The following TRAK1 variants were observed in gnomAD, a reference collection of about 807,000 sequenced individuals.
The protein encoded by TRAK1 is trafficking kinesin-binding protein 1.
Under a neutral mutation model 92.1 loss-of-function variants are expected in TRAK1, and 33 were observed. The ratio of observed to expected loss-of-function variants is 0.36; its 90% CI spans 0.27 to 0.48. The LOEUF is 0.48. TRAK1 is among the 20% of genes least tolerant of loss of function. The pLI is 0.99. For missense variants in TRAK1, 1,123 were observed against 1,257.9 expected (o/e 0.89, Z 1.62); for synonymous variants, 521 against 517.3 (o/e 1.01, Z -0.10).
In TRAK1 at chr3:42,223,483, C is replaced by G; in HGVS notation, c.2608C>G (p.Gln870Glu). 6.2e-7 allele frequency: 1 copy of G among 1,613,792 alleles called. No individual in the cohort carries two copies. The highest frequency in any genetic ancestry group is 8.5e-7 in the Non-Finnish European group (1 of 1,179,994). Residue 870 changes from glutamine to glutamate, a missense_variant, in exon 16 of 16, where the codon CAG becomes GAG. Transcript: ENST00000327628. The surrounding 1 kb of genome is among the most constrained non-coding windows in gnomAD (Gnocchi z 6.1). ...CCATGTCCCCACCTTGACTGAGGAG[C>G]AGGGACCCCTCCTCTGTGGGCCCCC... ...RAHVPTLTEE[Q>E]GPLLCGPPGP...
rs534331120 is a variant in TRAK1 at position 42,069,320 on chromosome 3, C to CAAAGAAA, written c.-518-17781_-518-17780insGAAAAAA. Among the ~76,000 whole-genome samples the CAAAGAAA allele has an allele frequency of 4.6e-3, 635 of 137,284 alleles. 4 individuals are homozygous for CAAAGAAA. The highest frequency in any genetic ancestry group is 0.016 in the African/African-American group (589 of 37,012). The allele number at this position is 137,284 out of a possible 152,430, so 90.1% of individuals were successfully genotyped here. ...TGGGTGACACAGCAAGACCCTGTCT[C>CAAAGAAA]AAAAAAAAAAAGAAAAAAGAAAAGT... is the stretch of plus-strand genomic sequence containing the variant. On this transcript the variant is annotated intron_variant, in intron 1 of 16. Transcript: ENST00000487159.
intron 1 of TRAK1, among the ~76,000 whole-genome samples, chr3:42,053,134 TTCTC>T (rs1703047060): frequency 6.6e-6 from 1 of 152,206 alleles, no homozygotes; most frequent in Non-Finnish European, 1.5e-5. Context: ...GAGATCTTGC[TTCTC>T]CCAGGCAGTG....
intron 1 of TRAK1, among the ~76,000 whole-genome samples, chr3:42,032,495 A>C (rs1037892096): frequency 6.6e-6 from 1 of 152,040 alleles, no homozygotes; most frequent in Non-Finnish European, 1.5e-5. Context: ...AAAAAAAAAA[A>C]ACCATCTTTG....
chr3:42,163,825 G>T (rs1325308082), intron 2 of TRAK1, among the ~76,000 whole-genome samples: 1 of 152,128 alleles, frequency 6.6e-6, no homozygotes, highest in Non-Finnish European at 1.5e-5. Flanking sequence ...TCTCTTGTTT[G>T]TTTCTATCCA....
At chr3:42,103,630 T>G (rs965471867) in intron 1 of TRAK1, among the ~76,000 whole-genome samples, 15 of 152,148 alleles carry the variant, frequency 9.9e-5, no homozygotes, top group Admixed American at 7.2e-4. Context: ...ATGGCTGGGC[T>G]CGTGTCTGTG....
intron 2 of TRAK1, among the ~76,000 whole-genome samples, chr3:42,169,939 G>T (rs1386173935): frequency 1.3e-5 from 2 of 152,216 alleles, no homozygotes; most frequent in Non-Finnish European, 2.9e-5. Context: ...TGTGGGAAGA[G>T]CAGGAAATTC....
chr3:42,163,211 T>C (rs1701466157), intron 2 of TRAK1, among the ~76,000 whole-genome samples: 1 of 152,220 alleles, frequency 6.6e-6, no homozygotes, highest in Non-Finnish European at 1.5e-5. Context: ...ACTATGATGC[T>C]AGCAGTTCTC....
intron 1 of TRAK1, among the ~76,000 whole-genome samples, chr3:42,116,955 C>T (rs1312191128): frequency 6.6e-6 from 1 of 152,130 alleles, no homozygotes; most frequent in Non-Finnish European, 1.5e-5. Context: ...ATGGAAGTCC[C>T]AGTGTGCAGA....
At chr3:42,178,064 G>T (rs1371726577) in intron 3 of TRAK1, among the ~76,000 whole-genome samples, 2 of 152,152 alleles carry the variant, frequency 1.3e-5, no homozygotes, top group Non-Finnish European at 2.9e-5. Flanking sequence ...ACCCCTTTCT[G>T]CTGCATCTGT....
In TRAK1 at chr3:42,093,668, TCCCC is replaced by T. The variant is rs1559755680; in HGVS notation, c.91+2109_91+2112del. ...TTTTCTCCCCTTCCCTTCCCTTCCCTCCCCTCCCCTCCCCTCCCCTCCCCTCCCC... is the reference window on the plus strand; with the variant it reads ...TTTTCTCCCCTTCCCTTCCCTTCCCTTCCCCTCCCCTCCCCTCCCCTCCCC... On this transcript the variant is annotated intron_variant, in intron 1 of 15. Transcript: ENST00000327628. Among the ~76,000 whole-genome samples the T allele has an allele frequency of 9.3e-3, 71 of 7,660 alleles. 1 individual carries two copies. Among genetic ancestry groups the T allele is most frequent in the South Asian group, 0.062 (2 of 32 alleles). The allele number at this position is 7,660 out of a possible 152,430, so 5.0% of individuals were successfully genotyped here. A position where few individuals can be genotyped will look rare whatever the true frequency, so the allele number is the denominator to read the frequency against.
upstream of TRAK1, among the ~76,000 whole-genome samples, chr3:42,082,469 G>A (rs993270305): frequency 6.6e-6 from 1 of 152,016 alleles, no homozygotes; most frequent in African/African-American, 2.4e-5. Context: ...GTAGTGGTGC[G>A]TGCCTGTAGT....
At chr3:42,160,274 C>T (rs1701100171) in intron 2 of TRAK1, 2 of 1,568,278 alleles carry the variant, frequency 1.3e-6, no homozygotes, top group African/African-American at 1.3e-5. Context: ...GGGGCCCAGG[C>T]CTGCATGGCT....
At chr3:42,154,879 A>C (rs893147049) in intron 2 of TRAK1, among the ~76,000 whole-genome samples, 1 of 152,128 alleles carries the variant, frequency 6.6e-6, no homozygotes, top group African/African-American at 2.4e-5. Flanking sequence ...AAAGATGCTC[A>C]TACCTGAAGG....
chr3:42,025,937 A>G (rs1451630926), intron 1 of TRAK1, among the ~76,000 whole-genome samples: 7 of 152,222 alleles, frequency 4.6e-5, no homozygotes, highest in African/African-American at 9.6e-5. Flanking sequence ...CATGAAATGC[A>G]TCACTATTTT....
rs71078412 is a variant in TRAK1 at position 42,092,711 on chromosome 3, GTGTTATGTTATGTTA to G, written c.91+1198_91+1212del. Among the ~76,000 whole-genome samples, 468 of 101,054 alleles carry G rather than the reference GTGTTATGTTATGTTA, an allele frequency of 4.6e-3. 5 individuals carry two copies. Among genetic ancestry groups the G allele is most frequent in the Non-Finnish European group, 8.1e-3 (358 of 44,294 alleles). The allele number at this position is 101,054 out of a possible 152,430, so 66.3% of individuals were successfully genotyped here. ...GTGTTGTGTTGTGTTGTGTTGTGTT[GTGTTATGTTATGTTA>G]TGTTATGTTATGTTATGTTATGTTA... On this transcript the variant is annotated intron_variant, in intron 1 of 15. Transcript: ENST00000327628.
intron 1 of TRAK1, among the ~76,000 whole-genome samples, chr3:42,057,630 G>A (rs946574952): frequency 6.6e-6 from 1 of 152,152 alleles, no homozygotes; most frequent in Non-Finnish European, 1.5e-5. Context: ...GTTTGCTGGT[G>A]ATGCTGTATC....
chr3:42,017,810 A>C (rs1265722463), intron 1 of TRAK1, among the ~76,000 whole-genome samples: 1 of 152,190 alleles, frequency 6.6e-6, no homozygotes, highest in Non-Finnish European at 1.5e-5. Context: ...GGAGCTCTTG[A>C]AATCCTTGTT....
chr3:42,070,988 T>G (rs1440268444), intron 1 of TRAK1, among the ~76,000 whole-genome samples: 1 of 152,214 alleles, frequency 6.6e-6, no homozygotes, highest in Admixed American at 6.5e-5. Context: ...CCAGCCCTAG[T>G]TTCCCCATTG....
intron 3 of TRAK1, among the ~76,000 whole-genome samples, chr3:42,177,718 C>A (rs143404736): frequency 6.6e-6 from 1 of 152,298 alleles, no homozygotes; most frequent in East Asian, 1.9e-4. Context: ...CTGGGCCAGA[C>A]TCGTTTCCCA....
Sources: allele counts gnomAD v4.1 joint callset (sites outside exome capture counted in the v4.1 genomes callset), GRCh38; gene constraint gnomAD v4.1.1; non-coding constraint Gnocchi (gnomAD v3.1); transcripts MANE v1.5; gene names NCBI Gene and HGNC (gene_info 2026-07-23, HGNC 2026-07-21).